Variants in LRRC7 observed in about 807,000 individuals in gnomAD.
LRRC7 encodes the protein leucine-rich repeat-containing protein 7.
In LRRC7, 23 loss-of-function variants were observed where a neutral mutation model predicts 175.7. That is an observed-to-expected ratio of 0.13 (90% CI 0.09 to 0.19). The LOEUF (loss-of-function observed/expected upper bound fraction) is 0.19. Among genes scored for constraint, LRRC7 ranks in the 10% least tolerant of loss-of-function variants. LRRC7 has a pLI of 1.00. For synonymous variants in LRRC7, 685 were observed against 680.9 expected, an observed-to-expected ratio of 1.01 and a Z score of -0.09; for missense variants, 1,354 against 1,904.7, an observed-to-expected ratio of 0.71 and a Z score of 5.38.
At chr1:69,657,226 T>C (rs1656733230) in intron 1 of LRRC7, among the ~76,000 whole-genome samples, 2 of 151,904 alleles carry the variant, frequency 1.3e-5, no homozygotes, top group Non-Finnish European at 2.9e-5. Flanking sequence ...AACATATCAT[T>C]ATTCTATGAT....
intron 7 of LRRC7, among the ~76,000 whole-genome samples, chr1:69,846,419 T>A (rs17131046): frequency 0.012 from 1,804 of 152,180 alleles, 30 homozygotes; most frequent in African/African-American, 0.041. Flanking sequence ...CAATAGCTAC[T>A]CTGATCCCTG....
At chr1:69,685,645 T>C (rs1399146466) in intron 2 of LRRC7, among the ~76,000 whole-genome samples, 2 of 152,076 alleles carry the variant, frequency 1.3e-5, no homozygotes, top group Non-Finnish European at 2.9e-5. Context: ...ATTAAATGAA[T>C]ATGTAGATTA....
rs1047160448 is a variant in LRRC7, at chr1:70,125,187, A to G, written c.*3300A>G. 1.3e-5 allele frequency among the ~76,000 whole-genome samples: 2 copies of G among 152,240 alleles called. No individual in the cohort carries two copies. The highest frequency in any genetic ancestry group is 4.8e-5 in the African/African-American group (2 of 41,468). The stretch of plus-strand genomic sequence containing the variant: ...GCTAATGTATTGCTCATTGAAGCCT[A>G]TAAAAGATATGTATCTCCATTACTT... On this transcript the variant is annotated 3_prime_UTR_variant, in exon 27 of 27. Coordinates refer to ENST00000651989, the MANE Select transcript of LRRC7 (RefSeq NM_001370785.2).
intron 3 of LRRC7, among the ~76,000 whole-genome samples, chr1:69,777,212 T>C (rs1438288371): frequency 6.6e-6 from 1 of 152,170 alleles, no homozygotes; most frequent in Non-Finnish European, 1.5e-5. Context: ...AGGCAGGGTA[T>C]GCGGGATGCC....
intron 2 of LRRC7, among the ~76,000 whole-genome samples, chr1:69,694,239 A>G (rs749524814): frequency 6.6e-6 from 1 of 152,164 alleles, no homozygotes; most frequent in Non-Finnish European, 1.5e-5. Context: ...ATCCTCACCT[A>G]TAATAATTTT....
rs116647229 is a variant in LRRC7, at chr1:70,077,241, T to C, written c.4452+943T>C. On this transcript the variant is annotated intron_variant, in intron 24 of 26. Transcript: ENST00000651989. Reference sequence around the variant, plus strand: ...CAAGGGCTTTAAACATCTCCTCTATTTTGTAATATCCTTCTTGAAGCCTAG... The same window carrying C: ...CAAGGGCTTTAAACATCTCCTCTATCTTGTAATATCCTTCTTGAAGCCTAG... Among the ~76,000 whole-genome samples the C allele has an allele frequency of 8.5e-3, 1,301 of 152,278 alleles. 12 individuals are homozygous for C. Among genetic ancestry groups the C allele is most frequent in the African/African-American group, 0.03 (1,227 of 41,564 alleles).
Position 70,036,445 on chromosome 1 carries a change from A to G in LRRC7, c.2109A>G (p.Glu703=). The G allele has an allele frequency of 6.2e-7, 1 of 1,604,772 alleles. No homozygotes were observed. The highest frequency in any genetic ancestry group is 8.5e-7 in the Non-Finnish European group (1 of 1,176,942). The change falls in exon 20 of 27, where the codon GAA becomes GAG. Residue 703 remains glutamate (E), a splice_region_variant and synonymous_variant. Transcript: ENST00000651989. ...KLVLLGKDKK[E]STDESEVDKT... ...AACATTTTCCCCTTTAAATTTCAGA[A>G]TCAACTGATGAGTCTGAAGTTGACA...
intron 7 of LRRC7, among the ~76,000 whole-genome samples, chr1:69,915,093 AC>A (rs1182989128): frequency 6.6e-6 from 1 of 152,184 alleles, no homozygotes; most frequent in Non-Finnish European, 1.5e-5. Flanking sequence ...GGAGCAAGTC[AC>A]CAATTCTCCT....
At chr1:70,028,616 C>T (rs1032256032) in intron 18 of LRRC7, among the ~76,000 whole-genome samples, 1 of 152,068 alleles carries the variant, frequency 6.6e-6, no homozygotes, top group African/African-American at 2.4e-5. Flanking sequence ...AAGTTCGTCA[C>T]CCAGCAAGGC....
chr1:69,865,216 C>T (rs1337442184), intron 7 of LRRC7, among the ~76,000 whole-genome samples: 1 of 152,012 alleles, frequency 6.6e-6, no homozygotes, highest in Admixed American at 6.6e-5. Context: ...GCGATGGTTC[C>T]AGTAGAGGCT....
chr1:69,608,466 C>G (rs1234365977), intron 1 of LRRC7, among the ~76,000 whole-genome samples: 1 of 152,024 alleles, frequency 6.6e-6, no homozygotes, highest in Non-Finnish European at 1.5e-5. Flanking sequence ...CACTGGCTGG[C>G]TGAGAGGTAG....
intron 3 of LRRC7, among the ~76,000 whole-genome samples, chr1:69,784,082 T>C (rs982763452): frequency 6.6e-6 from 1 of 152,154 alleles, no homozygotes; most frequent in Non-Finnish European, 1.5e-5. Flanking sequence ...ATTTTATACA[T>C]TAACATTGAA....
intron 1 of LRRC7, among the ~76,000 whole-genome samples, chr1:69,678,007 C>A (rs556557040): frequency 6.6e-6 from 1 of 152,074 alleles, no homozygotes; most frequent in African/African-American, 2.4e-5. Context: ...CCATCATGGA[C>A]GTTCCATTCA....
At chr1:69,714,600 A>T (rs1219468297) in intron 2 of LRRC7, among the ~76,000 whole-genome samples, 1 of 152,138 alleles carries the variant, frequency 6.6e-6, no homozygotes, top group Admixed American at 6.5e-5. Context: ...AAATCAGTAG[A>T]AGGGCAGTCC....
In LRRC7 at chr1:70,134,887, C is replaced by T. The variant is rs1371734636; in HGVS notation, c.*13000C>T. On this transcript the variant is annotated 3_prime_UTR_variant, in exon 27 of 27. Transcript: ENST00000651989. ...ATTTTAAAGCAAATACGGCAGGTGTCCACCATTGTTTTGGATACAGCTTTT... is the reference window on the plus strand; with the variant it reads ...ATTTTAAAGCAAATACGGCAGGTGTTCACCATTGTTTTGGATACAGCTTTT... Among the ~76,000 whole-genome samples, 1 of 152,146 alleles carries T rather than the reference C, an allele frequency of 6.6e-6. No individual in the cohort carries two copies. The highest frequency in any genetic ancestry group is 6.5e-5 in the Admixed American group (1 of 15,276).
chr1:69,690,645 G>T (rs1034978222), intron 2 of LRRC7, among the ~76,000 whole-genome samples: 48 of 152,194 alleles, frequency 3.2e-4, no homozygotes, highest in African/African-American at 1.1e-3. Flanking sequence ...GACTGTTAAA[G>T]GACCAACAGG....
intron 2 of LRRC7, among the ~76,000 whole-genome samples, chr1:69,750,531 C>T (rs1454828159): frequency 1.3e-5 from 2 of 152,100 alleles, no homozygotes; most frequent in African/African-American, 4.8e-5. Flanking sequence ...TAATTTATCA[C>T]AAGACCTCTG....
chr1:70,009,355 C>CTTTTTT (rs11286744), intron 11 of LRRC7, among the ~76,000 whole-genome samples: 2 of 132,630 alleles, frequency 1.5e-5, no homozygotes, highest in African/African-American at 5.6e-5. Context: ...TTCTTTCTTT[C>CTTTTTT]TTTTTTTTTT....
At chr1:69,626,073 CT>C (rs1239294055) in intron 1 of LRRC7, among the ~76,000 whole-genome samples, 2 of 152,084 alleles carry the variant, frequency 1.3e-5, no homozygotes, top group African/African-American at 4.8e-5. Flanking sequence ...TTTTACTTAA[CT>C]TGTATGAGGC....
Sources: allele counts gnomAD v4.1 joint callset (sites outside exome capture counted in the v4.1 genomes callset), GRCh38; gene constraint gnomAD v4.1.1; transcripts MANE v1.5; gene names NCBI Gene and HGNC (gene_info 2026-07-23, HGNC 2026-07-21).